NYAP2: variants seen among roughly 807,000 people sequenced by gnomAD.
The protein encoded by NYAP2 is neuronal tyrosine-phosphorylated phosphoinositide-3-kinase adaptor 2, also known as neuronal tyrosine-phosphorylated phosphoinositide-3-kinase adapter 2.
Under a neutral mutation model 50.4 loss-of-function variants are expected in NYAP2, and 23 were observed. The observed-to-expected ratio is 0.46, with a 90% CI of 0.33 to 0.65. NYAP2 has a LOEUF of 0.65. NYAP2 is among the 30% of genes least tolerant of loss of function. NYAP2 has a pLI of 0.02. For missense variants in NYAP2, 885 were observed against 861.0 expected (o/e 1.03, Z -0.35); for synonymous variants, 394 against 365.2 (o/e 1.08, Z -0.90).
At chr2:225,584,308 C>G (rs930495663) in intron 5 of NYAP2, among the ~76,000 whole-genome samples, 1 of 152,148 alleles carries the variant, frequency 6.6e-6, no homozygotes, top group Admixed American at 6.5e-5. Context: ...ACAGAAAAGT[C>G]ACTAAGGTGG....
intron 3 of NYAP2, among the ~76,000 whole-genome samples, chr2:225,497,749 C>A (rs1162567134): frequency 3.9e-5 from 6 of 152,132 alleles, no homozygotes; most frequent in Admixed American, 3.9e-4. Flanking sequence ...ATGAAATTTT[C>A]TGTCTGGAAA....
At chr2:225,525,314 A>C (rs1691132366) in intron 4 of NYAP2, among the ~76,000 whole-genome samples, 2 of 152,190 alleles carry the variant, frequency 1.3e-5, no homozygotes, top group Admixed American at 1.3e-4. Flanking sequence ...TTCATTACAC[A>C]CTTGTATGTT....
At chr2:225,646,407 C>T (rs1361158918) in intron 6 of NYAP2, among the ~76,000 whole-genome samples, 3 of 152,118 alleles carry the variant, frequency 2.0e-5, no homozygotes, top group Non-Finnish European at 2.9e-5. Flanking sequence ...CAAAATTAGC[C>T]AGGCGTGGTG....
At chr2:225,514,004 T>A (rs1690881467) in intron 4 of NYAP2, among the ~76,000 whole-genome samples, 1 of 152,242 alleles carries the variant, frequency 6.6e-6, no homozygotes, top group Non-Finnish European at 1.5e-5. Context: ...TATTATTATT[T>A]GATTATCAAG....
At chr2:225,405,681 C>G (rs537522868) in intron 2 of NYAP2, among the ~76,000 whole-genome samples, 166 of 151,986 alleles carry the variant, frequency 1.1e-3, no homozygotes, top group African/African-American at 3.7e-3. Flanking sequence ...GTTCAGTTGT[C>G]TGAGAAACAC....
At chr2:225,513,322 A>G in intron 3 of NYAP2, 49 bp from the exon 4 acceptor site, 1 of 1,565,102 alleles carries the variant, frequency 6.4e-7, no homozygotes, top group Non-Finnish European at 8.8e-7. Context: ...GATCTTGTAT[A>G]TCCTGGCTCC....
At chr2:225,428,589 G>T (rs1348580993) in intron 3 of NYAP2, among the ~76,000 whole-genome samples, 1 of 152,230 alleles carries the variant, frequency 6.6e-6, no homozygotes, top group East Asian at 1.9e-4. Flanking sequence ...TGACAAGCCA[G>T]ATTTGGCCTG....
At chr2:225,615,553 T>C (rs1692973365) in intron 5 of NYAP2, among the ~76,000 whole-genome samples, 1 of 152,238 alleles carries the variant, frequency 6.6e-6, no homozygotes, top group Non-Finnish European at 1.5e-5. Flanking sequence ...TATTTGCAAC[T>C]ATTTTATGGA....
intron 3 of NYAP2, among the ~76,000 whole-genome samples, chr2:225,422,082 T>C (rs1463750109): frequency 2.0e-5 from 3 of 152,224 alleles, no homozygotes; most frequent in Non-Finnish European, 4.4e-5. Flanking sequence ...TCTTTTCTTT[T>C]ATTTTGTGTT....
exon 7 of NYAP2, chr2:225,651,863 T>C (rs1693739013): frequency 3.9e-6 from 1 of 259,640 alleles, no homozygotes; most frequent in East Asian, 8.4e-5. Flanking sequence ...TTTTAAATTC[T>C]TTCTCTCTTT....
At chr2:225,564,701 G>A (rs115125703) in intron 4 of NYAP2, among the ~76,000 whole-genome samples, 1,637 of 150,752 alleles carry the variant, frequency 0.011, 36 homozygotes, top group African/African-American at 0.037. Context: ...AAAAAAACAT[G>A]CTCACTATCT....
chr2:225,582,262 A>G lies in NYAP2; in HGVS notation c.845A>G (p.Asp282Gly). Reference sequence around the variant, plus strand: ...CCTATCTTTGACGACTTGGGCCAAGACGCCAAATGTGACTTCGACCATCAC... The same window carrying G: ...CCTATCTTTGACGACTTGGGCCAAGGCGCCAAATGTGACTTCGACCATCAC... The change falls in exon 5 of 7, where the codon GAC becomes GGC. Residue 282 changes from aspartate to glycine, a missense_variant. Transcript: ENST00000636099. This position sits in a 1 kb window ranked among gnomAD's most constrained non-coding sequence, Gnocchi z 7.0. 1.2e-6 allele frequency: 2 copies of G among 1,614,014 alleles called. No homozygotes were observed. The highest frequency in any genetic ancestry group is 1.7e-6 in the Non-Finnish European group (2 of 1,179,890).
At chr2:225,549,297 G>C (rs1375556158) in intron 4 of NYAP2, among the ~76,000 whole-genome samples, 1 of 152,140 alleles carries the variant, frequency 6.6e-6, no homozygotes, top group Non-Finnish European at 1.5e-5. Context: ...AATTTGTATT[G>C]TAATTATCCA....
chr2:225,399,009 T>G (rs1694815076), upstream of NYAP2, among the ~76,000 whole-genome samples: 1 of 152,196 alleles, frequency 6.6e-6, no homozygotes, highest in South Asian at 2.1e-4. Flanking sequence ...GGTCTGTCAA[T>G]GCATTAAAAA....
At chr2:225,444,170 A>G (rs1301663736) in intron 3 of NYAP2, among the ~76,000 whole-genome samples, 1 of 152,230 alleles carries the variant, frequency 6.6e-6, no homozygotes, top group Non-Finnish European at 1.5e-5. Context: ...AAGAATTACC[A>G]TACAAGCCGA....
intron 3 of NYAP2, among the ~76,000 whole-genome samples, chr2:225,433,730 T>A (rs932826461): frequency 8.7e-5 from 12 of 137,318 alleles, no homozygotes; most frequent in Non-Finnish European, 1.8e-4. Flanking sequence ...GGCAGGAGAA[T>A]GGCGTGAACC....
At chr2:225,552,113 C>T (rs1270915706) in intron 4 of NYAP2, among the ~76,000 whole-genome samples, 1 of 152,072 alleles carries the variant, frequency 6.6e-6, no homozygotes, top group African/African-American at 2.4e-5. Context: ...GCACCTGGCA[C>T]TTCTTTCTTT....
intron 4 of NYAP2, among the ~76,000 whole-genome samples, chr2:225,572,600 T>C (rs115447303): frequency 0.024 from 3,586 of 152,336 alleles, 136 homozygotes; most frequent in African/African-American, 0.082. Context: ...TTGGGGATTA[T>C]GGGAATTACA....
At chr2:225,647,222 A>T (rs1693650663) in intron 6 of NYAP2, among the ~76,000 whole-genome samples, 1 of 152,166 alleles carries the variant, frequency 6.6e-6, no homozygotes, top group Non-Finnish European at 1.5e-5. Context: ...GTATGGAAAC[A>T]TTGGCTTATT....
Sources: gnomAD v4.1 joint callset for allele counts (sites outside exome capture counted in the v4.1 genomes callset) on GRCh38, gnomAD v4.1.1 for gene constraint, Gnocchi (gnomAD v3.1) non-coding constraint, MANE v1.5 for transcripts, NCBI Gene and HGNC (gene_info 2026-07-23, HGNC 2026-07-21) for gene names.